The following AKAP8 variants were observed in gnomAD, a reference collection of about 807,000 sequenced individuals.
The protein encoded by AKAP8 is A-kinase anchor protein 8.
AKAP8 carries 24 observed loss-of-function variants against 67.5 expected under a neutral mutation model. The ratio of observed to expected loss-of-function variants is 0.36; its 90% CI spans 0.26 to 0.50. The LOEUF is 0.50. Ranked by LOEUF, AKAP8 falls within the 20% of genes least tolerant of loss-of-function variation. AKAP8 has a pLI of 0.97. For synonymous variants in AKAP8, 400 were observed against 371.1 expected (o/e 1.08, Z -0.90); for missense variants, 971 against 955.9 (o/e 1.02, Z -0.21).
At chr19:15,361,617 G>C in intron 11 of AKAP8, 112 bp downstream of exon 11, 5 of 878,016 alleles carry the variant, frequency 5.7e-6, no homozygotes, top group Non-Finnish European at 7.5e-6. Flanking sequence ...CTCCCAAAGT[G>C]CTGGGATTAC....
intron 13 of AKAP8, among the ~76,000 whole-genome samples, chr19:15,356,401 A>G (rs1599554407): frequency 7.0e-6 from 1 of 142,046 alleles, no homozygotes; most frequent in East Asian, 2.1e-4. Context: ...CGACAGAGTC[A>G]GACTCCATCT....
chr19:15,357,785 C>T (rs993914939), intron 13 of AKAP8, among the ~76,000 whole-genome samples: 7 of 145,110 alleles, frequency 4.8e-5, no homozygotes, highest in Non-Finnish European at 1.5e-5. Flanking sequence ...ACGATCTTGG[C>T]TCACTGCAAC....
At chr19:15,365,496 T>TG (rs1967053743) in intron 9 of AKAP8, among the ~76,000 whole-genome samples, 1 of 152,188 alleles carries the variant, frequency 6.6e-6, no homozygotes, top group East Asian at 1.9e-4. Flanking sequence ...GGTGTAGGGG[T>TG]GCAGGCCCTG....
chr19:15,374,590 C>T lies in AKAP8; in HGVS notation c.91+13G>A, dbSNP rs776073943. On this transcript the variant is annotated intron_variant, in intron 3 of 13. Coordinates refer to ENST00000269701, the MANE Select transcript of AKAP8 (RefSeq NM_005858.4). ...CTTGCCCGCCCACAGACCCCCCCCA[C>T]AGAAGGGCTTACCTTGCCAGCTGGC... 13 of 1,612,654 alleles carry T rather than the reference C, an allele frequency of 8.1e-6. No homozygotes were observed. In the Admixed American group the frequency reaches 2.2e-4, roughly 27 times the overall value.
intron 3 of AKAP8, among the ~76,000 whole-genome samples, chr19:15,374,282 A>G (rs1406488999): frequency 1.3e-5 from 2 of 152,180 alleles, no homozygotes; most frequent in Non-Finnish European, 2.9e-5. Flanking sequence ...CGGGTTTTCC[A>G]TGCCAGACGC....
intron 13 of AKAP8, among the ~76,000 whole-genome samples, chr19:15,355,713 T>C (rs1483382708): frequency 6.6e-6 from 1 of 151,682 alleles, no homozygotes; most frequent in African/African-American, 2.4e-5. Flanking sequence ...ATTACAGGTG[T>C]GAACCACCAT....
At position 15,369,639 on chromosome 19, in the gene AKAP8, C is replaced by A. The variant is rs1179981064; in HGVS notation, c.1072+507G>T. Among the ~76,000 whole-genome samples, 1 of 152,212 alleles carries A rather than the reference C, an allele frequency of 6.6e-6. No individual in the cohort carries two copies. ...AAAGACCCAGTGGGCCTGGGTGCTC[C>A]CGACCCCGCAGGTGTCTGCTGTCAC... On this transcript the variant is annotated intron_variant, in intron 8 of 13. Transcript: ENST00000269701. The surrounding 1 kb of genome is among the most constrained non-coding windows in gnomAD (Gnocchi z 4.6).
chr19:15,368,551 G>A (rs1406834474), intron 8 of AKAP8: 21 of 985,184 alleles, frequency 2.1e-5, no homozygotes, highest in South Asian at 1.9e-4. Context: ...GGCCTGAGGC[G>A]GCCAGGATGG....
At position 15,373,001 on chromosome 19, in the gene AKAP8, C is replaced by T. The variant is rs368979758; in HGVS notation, c.711G>A (p.Gly237=). 6.2e-4 allele frequency: 971 copies of T among 1,565,196 alleles called. 4 individuals are homozygous for T. The highest frequency in any genetic ancestry group is 4.2e-3 in the Admixed American group (227 of 54,050). ...LNYVGGRGLG[G]PSPSRPPPSL... Reference sequence around the variant, plus strand: ...ACGGAGGTGGCCGGCTGGGGGAGGGCCCTCCCAGGCCCCGTCCACCCACGT... The same window carrying T: ...ACGGAGGTGGCCGGCTGGGGGAGGGTCCTCCCAGGCCCCGTCCACCCACGT... Residue 237 remains glycine, a synonymous_variant, in exon 5 of 14, where the codon GGG becomes GGA. Coordinates refer to ENST00000269701, the MANE Select transcript of AKAP8 (RefSeq NM_005858.4).
chr19:15,358,141 T>G (rs1966909700), intron 13 of AKAP8, among the ~76,000 whole-genome samples: 1 of 152,154 alleles, frequency 6.6e-6, no homozygotes, highest in South Asian at 2.1e-4. Flanking sequence ...AGTCCTGGGA[T>G]GAACACTGAG....
chr19:15,373,940 G>C lies in AKAP8; in HGVS notation c.217C>G (p.Pro73Ala). Residue 73 changes from proline (P) to alanine (A), a missense_variant, in exon 4 of 14, where the codon CCT becomes GCT. This residue lies in a region of AKAP8 where 763 missense variants were observed against 745.4 expected (regional missense o/e 1.02). Coordinates refer to ENST00000269701, the MANE Select transcript of AKAP8 (RefSeq NM_005858.4). The part of the protein sequence containing the change: ...ANDGGLAAGA[P>A]AMHMASYGPE... ...CCGTAAGAGGCCATGTGCATGGCAG[G>C]GGCCCCGGCCGCCAGGCCGCCATCA... is the stretch of plus-strand genomic sequence containing the variant. The C allele has an allele frequency of 6.2e-7, 1 of 1,613,776 alleles. No individual in the cohort carries two copies. Among genetic ancestry groups the C allele is most frequent in the Non-Finnish European group, 8.5e-7 (1 of 1,179,864 alleles).
chr19:15,355,211 G>A lies in AKAP8; in HGVS notation c.1783C>T (p.Pro595Ser). Residue 595 changes from proline (P) to serine (S), a missense_variant, in exon 14 of 14, where the codon CCC becomes TCC. By Grantham distance (74) the Pro-to-Ser change is moderately conservative. Transcript: ENST00000269701. ...GGCTCCCCGCTGCTCTCTGGAGCGG[G>A]CGCTCCTTCCCCATCTACGGCCCTC... ...AVRAVDGEGA[P>S]APESSGEPAE... 6.2e-7 allele frequency: 1 copy of A among 1,611,318 alleles called. No individual in the cohort carries two copies. Among genetic ancestry groups the A allele is most frequent in the African/African-American group, 1.3e-5 (1 of 75,050 alleles).
intron 1 of AKAP8, 118 bp downstream of exon 1, chr19:15,379,595 G>C: frequency 8.1e-7 from 1 of 1,231,202 alleles, no homozygotes; most frequent in South Asian, 1.5e-5. Flanking sequence ...TCTCCGGAGG[G>C]CCCAGCTGGG....
intron 5 of AKAP8, 21 bp from the exon 6 acceptor site, chr19:15,372,368 C>T (rs547980718): frequency 2.3e-5 from 37 of 1,612,600 alleles, no homozygotes; most frequent in Non-Finnish European, 8.5e-7. Flanking sequence ...CAAGCACACC[C>T]CATGAGCTAC....
intron 9 of AKAP8, among the ~76,000 whole-genome samples, chr19:15,362,530 G>A (rs1268446686): frequency 9.9e-5 from 15 of 151,618 alleles, no homozygotes; most frequent in African/African-American, 2.2e-4. Flanking sequence ...ACTGGTTTTC[G>A]TATTTTTTTG....
chr19:15,370,625 C>CTTTTTTTTTTTT (rs71176407), intron 7 of AKAP8, among the ~76,000 whole-genome samples: 1 of 80,968 alleles, frequency 1.2e-5, no homozygotes, highest in Non-Finnish European at 2.2e-5. Context: ...TACCCAATGT[C>CTTTTTTTTTTTT]TTTTTTTTTT....
chr19:15,365,022 G>A (rs1171005130), intron 9 of AKAP8, among the ~76,000 whole-genome samples: 1 of 152,198 alleles, frequency 6.6e-6, no homozygotes, highest in Non-Finnish European at 1.5e-5. Context: ...AGGCTTGCAG[G>A]TATCTCAGGA....
chr19:15,370,220 T>A lies in AKAP8; in HGVS notation c.1039-41A>T, dbSNP rs372946120. The A allele has an allele frequency of 5.2e-5, 84 of 1,612,198 alleles. No homozygotes were observed. In the African/African-American group the frequency reaches 1.0e-3, roughly 19 times the overall value. On this transcript the variant is annotated intron_variant, in intron 7 of 13. Transcript: ENST00000269701. ...CACAAAGTCCGGCAGTGAGCTGGTG[T>A]GTCCAGACTCTCCACAACCAGCCCA...
chr19:15,374,479 G>T, intron 3 of AKAP8, 124 bp downstream of exon 3: 3 of 1,202,600 alleles, frequency 2.5e-6, no homozygotes, highest in Non-Finnish European at 3.5e-6. Flanking sequence ...AGCCGTGGCT[G>T]ACTGCGTCCT....
Sources: allele counts gnomAD v4.1 joint callset (sites outside exome capture counted in the v4.1 genomes callset), GRCh38; gene constraint gnomAD v4.1.1; regional missense constraint gnomAD v4.1.1; non-coding constraint Gnocchi (gnomAD v3.1); transcripts MANE v1.5; gene names NCBI Gene and HGNC (gene_info 2026-07-23, HGNC 2026-07-21).